Variants in DCTN5 observed in about 807,000 individuals in gnomAD.
DCTN5 encodes dynactin subunit 5.
A neutral mutation model predicts 23.5 loss-of-function variants in DCTN5; 14 were observed. That is an observed-to-expected ratio of 0.60 (90% confidence interval 0.39 to 0.93). The LOEUF (loss-of-function observed/expected upper bound fraction) is 0.93, where lower values mean the gene tolerates loss of function less well. DCTN5 is among the 40% of genes least tolerant of loss of function. The pLI is 0.00. For synonymous variants in DCTN5, 67 were observed against 79.6 expected (o/e 0.84, Z 0.84); for missense variants, 156 against 225.9 (o/e 0.69, Z 1.98).
Position 23,674,562 on chromosome 16 carries a change from C to G in DCTN5, c.*7418C>G, listed in dbSNP as rs1039298872. 2.0e-5 allele frequency: 3 copies of G among 152,190 alleles called. No homozygotes were observed. In the East Asian group the frequency reaches 5.8e-4, roughly 29 times the overall value. The allele number at this position is 152,190 out of a possible 1,614,324, so 9.4% of individuals were successfully genotyped here. ...GTGGACTGACAGCCTGACTCTACTT[C>G]CCTCACTTTTCTCCCAGCACACACA... is the stretch of plus-strand genomic sequence containing the variant. On this transcript the variant is annotated 3_prime_UTR_variant, in exon 6 of 6. Coordinates refer to ENST00000300087, the MANE Select transcript of DCTN5 (RefSeq NM_032486.4).
rs1968029504 is a variant in DCTN5 at position 23,672,796 on chromosome 16, A to G, written c.*5652A>G. 6.6e-6 allele frequency: 1 copy of G among 152,232 alleles called. No individual in the cohort carries two copies. The highest frequency in any genetic ancestry group is 2.4e-5 in the African/African-American group (1 of 41,446). The allele number at this position is 152,232 out of a possible 1,614,324, so 9.4% of individuals were successfully genotyped here. A position where few individuals can be genotyped will look rare whatever the true frequency, so the allele number is the denominator to read the frequency against. On this transcript the variant is annotated 3_prime_UTR_variant, in exon 6 of 6. Transcript: ENST00000300087. ...ACTGTTACTGATAACATACAAATAG[A>G]TTGTATTAATGGACCATAATTGCAA...
chr16:23,645,083 CTATATATATA>C (rs869302728), intron 2 of DCTN5, among the ~76,000 whole-genome samples: 131 of 33,002 alleles, frequency 4.0e-3, no homozygotes, highest in South Asian at 6.8e-3. Context: ...CCCAGCCTAA[CTATATATATA>C]TATATATATA....
At chr16:23,661,017 A>G (rs1207273117) in intron 3 of DCTN5, among the ~76,000 whole-genome samples, 153 bp from the exon 4 acceptor site, 1 of 152,032 alleles carries the variant, frequency 6.6e-6, no homozygotes, top group Admixed American at 6.6e-5. Context: ...TTTCTTCAAT[A>G]TTGTATAATT....
At chr16:23,658,866 C>T (rs1419741336) in intron 3 of DCTN5, among the ~76,000 whole-genome samples, 1 of 152,034 alleles carries the variant, frequency 6.6e-6, no homozygotes, top group African/African-American at 2.4e-5. Flanking sequence ...AACAGACTGG[C>T]GTATATAATG....
intron 4 of DCTN5, among the ~76,000 whole-genome samples, chr16:23,664,941 C>T (rs373053630): frequency 3.3e-4 from 51 of 152,260 alleles, no homozygotes; most frequent in African/African-American, 9.6e-4. Context: ...CTTAATGTCA[C>T]GGCCAAATGG....
chr16:23,644,378 G>A (rs1967377746), intron 2 of DCTN5, among the ~76,000 whole-genome samples: 1 of 141,132 alleles, frequency 7.1e-6, no homozygotes, highest in Admixed American at 7.8e-5. Context: ...TTGGCTCACT[G>A]TAAGCTCCGC....
At chr16:23,659,718 G>A (rs937018968) in intron 3 of DCTN5, among the ~76,000 whole-genome samples, 2 of 152,216 alleles carry the variant, frequency 1.3e-5, no homozygotes, top group Non-Finnish European at 2.9e-5. Flanking sequence ...CAATAATGAT[G>A]TTGGATTCCA....
intron 2 of DCTN5, among the ~76,000 whole-genome samples, chr16:23,648,851 G>A (rs1223718296): frequency 7.3e-6 from 1 of 137,722 alleles, no homozygotes; most frequent in Admixed American, 7.3e-5. Flanking sequence ...CCTATGATTA[G>A]TGATTTTTTG....
rs978892349 is a variant in DCTN5 at position 23,673,230 on chromosome 16, TAGG to T, written c.*6091_*6093del. ...CAGCTATGAAAAGACATAAGAGAAT[TAGG>T]AGGATTTTCTTTAATATATCATTTT... On this transcript the variant is annotated 3_prime_UTR_variant, in exon 6 of 6. Coordinates refer to ENST00000300087, the MANE Select transcript of DCTN5 (RefSeq NM_032486.4). 3.3e-5 allele frequency: 5 copies of T among 151,844 alleles called. No homozygotes were observed. The highest frequency in any genetic ancestry group is 1.2e-4 in the African/African-American group (5 of 41,318). The allele number at this position is 151,844 out of a possible 1,614,324, so 9.4% of individuals were successfully genotyped here.
At chr16:23,660,941 CCTT>C (rs1967797875) in intron 3 of DCTN5, among the ~76,000 whole-genome samples, 1 of 152,078 alleles carries the variant, frequency 6.6e-6, no homozygotes, top group Non-Finnish European at 1.5e-5. Context: ...GCCCCTCCTG[CCTT>C]GGTTTTTCCT....
rs1968026615 is a variant in DCTN5, at chr16:23,672,588, C to T, written c.*5444C>T. The T allele has an allele frequency of 6.6e-6, 1 of 152,178 alleles. No individual in the cohort carries two copies. The highest frequency in any genetic ancestry group is 2.1e-4 in the South Asian group (1 of 4,832). The allele number at this position is 152,178 out of a possible 1,614,324, so 9.4% of individuals were successfully genotyped here. A position where few individuals can be genotyped will look rare whatever the true frequency, so the allele number is the denominator to read the frequency against. Reference sequence around the variant, plus strand: ...TGCCAGACAAACAAGGCCCAAGAGGCAAGTGTGCAGGTGGGTGTAGTTGGG... The same window carrying T: ...TGCCAGACAAACAAGGCCCAAGAGGTAAGTGTGCAGGTGGGTGTAGTTGGG... On this transcript the variant is annotated 3_prime_UTR_variant, in exon 6 of 6. Transcript: ENST00000300087.
At chr16:23,645,106 TATATATATATATATATATA>T (rs1967408787) in intron 2 of DCTN5, among the ~76,000 whole-genome samples, 8 of 32,208 alleles carry the variant, frequency 2.5e-4, no homozygotes, top group Admixed American at 6.4e-4. Flanking sequence ...TATATATATA[TATATATATATATATATATA>T]TATATATATA....
Position 23,645,123 on chromosome 16 carries a change from A to T in DCTN5, c.117+2100A>T, listed in dbSNP as rs868748933. ...TATATATATATATATATATATATATATATATATATATATATTTTTTTTTTT... is the reference window on the plus strand; with the variant it reads ...TATATATATATATATATATATATATTTATATATATATATATTTTTTTTTTT... On this transcript the variant is annotated intron_variant, in intron 2 of 5. Coordinates refer to ENST00000300087, the MANE Select transcript of DCTN5 (RefSeq NM_032486.4). Among the ~76,000 whole-genome samples the T allele has an allele frequency of 1.4e-3, 46 of 32,092 alleles. 2 individuals carry two copies. Among genetic ancestry groups the T allele is most frequent in the African/African-American group, 6.8e-3 (44 of 6,456 alleles). 21.1% of individuals were successfully genotyped at this position (32,092 alleles called of 152,430 possible).
intron 2 of DCTN5, among the ~76,000 whole-genome samples, chr16:23,652,547 G>T (rs1967625154): frequency 6.6e-6 from 1 of 152,098 alleles, no homozygotes; most frequent in Non-Finnish European, 1.5e-5. Flanking sequence ...TTTTGAGTGT[G>T]CAGTTTGACA....
chr16:23,648,894 A>G (rs1055081323), intron 2 of DCTN5, among the ~76,000 whole-genome samples: 1 of 151,868 alleles, frequency 6.6e-6, no homozygotes, highest in Non-Finnish European at 1.5e-5. Context: ...ATCCCGCTCC[A>G]TTGCCCATGC....
chr16:23,652,960 T>C (rs1007959182), intron 2 of DCTN5, among the ~76,000 whole-genome samples: 3 of 151,960 alleles, frequency 2.0e-5, no homozygotes, highest in East Asian at 1.9e-4. Flanking sequence ...CTGGGCAACA[T>C]AGGGAGACCC....
intron 4 of DCTN5, among the ~76,000 whole-genome samples, chr16:23,663,051 C>G (rs2140986274): frequency 6.6e-6 from 1 of 152,294 alleles, no homozygotes; most frequent in Middle Eastern, 3.4e-3. Flanking sequence ...AATCTCAGCA[C>G]TGGAAGTAAC....
chr16:23,671,887 T>C lies in DCTN5; in HGVS notation c.*4743T>C, dbSNP rs1365239756. 2 of 152,200 alleles carry C rather than the reference T, an allele frequency of 1.3e-5. No individual in the cohort carries two copies. The highest frequency in any genetic ancestry group is 2.9e-5 in the Non-Finnish European group (2 of 68,038). 9.4% of individuals were successfully genotyped at this position (152,200 alleles called of 1,614,324 possible). A position where few individuals can be genotyped will look rare whatever the true frequency, so the allele number is the denominator to read the frequency against. ...TCTGTATCTTCACATCCATTGGGCATTGGGCAAATGGGTCATGCAGATGAA... is the reference window on the plus strand; with the variant it reads ...TCTGTATCTTCACATCCATTGGGCACTGGGCAAATGGGTCATGCAGATGAA... On this transcript the variant is annotated 3_prime_UTR_variant, in exon 6 of 6. Coordinates refer to ENST00000300087, the MANE Select transcript of DCTN5 (RefSeq NM_032486.4).
At chr16:23,659,110 T>C (rs1160190201) in intron 3 of DCTN5, among the ~76,000 whole-genome samples, 2 of 152,180 alleles carry the variant, frequency 1.3e-5, no homozygotes, top group African/African-American at 4.8e-5. Context: ...CTCTAATTTA[T>C]ATCATTTCTC....
Sources: gnomAD v4.1 joint callset for allele counts (sites outside exome capture counted in the v4.1 genomes callset) on GRCh38, gnomAD v4.1.1 for gene constraint, MANE v1.5 for transcripts, NCBI Gene and HGNC (gene_info 2026-07-23, HGNC 2026-07-21) for gene names.